Variants in SGCZ observed in about 807,000 individuals in gnomAD.
SGCZ encodes sarcoglycan zeta.
Under a neutral mutation model 41.3 loss-of-function variants are expected in SGCZ, and 40 were observed. The ratio of observed to expected loss-of-function variants is 0.97; its 90% CI spans 0.75 to 1.26. The LOEUF is 1.26. Among genes scored for constraint, SGCZ ranks in the 50% most tolerant of loss-of-function variants. The pLI, the probability that SGCZ is intolerant of heterozygous loss-of-function variation, is 0.00. For missense variants in SGCZ, 552 were observed against 369.8 expected, an observed-to-expected ratio of 1.49 and a Z score of -4.04; for synonymous variants, 206 against 137.5, an observed-to-expected ratio of 1.50 and a Z score of -3.49.
intron 3 of SGCZ, among the ~76,000 whole-genome samples, chr8:14,275,181 C>G (rs1211678309): frequency 1.3e-5 from 2 of 152,032 alleles, no homozygotes; most frequent in African/African-American, 2.4e-5. Flanking sequence ...GTTAAGTAAC[C>G]AACATCAAAC....
chr8:15,097,786 A>G (rs889274678), intron 1 of SGCZ, among the ~76,000 whole-genome samples: 3 of 138,868 alleles, frequency 2.2e-5, no homozygotes, highest in Admixed American at 7.1e-5. Flanking sequence ...ATATACGTGT[A>G]TATATATATA....
chr8:14,416,908 G>C (rs959441561), intron 2 of SGCZ, among the ~76,000 whole-genome samples: 1 of 151,754 alleles, frequency 6.6e-6, no homozygotes, highest in African/African-American at 2.4e-5. Flanking sequence ...TTATTATTAT[G>C]AGGAAAAAAA....
chr8:14,452,960 G>T (rs928080222), intron 2 of SGCZ, among the ~76,000 whole-genome samples: 3 of 151,900 alleles, frequency 2.0e-5, no homozygotes, highest in Non-Finnish European at 4.4e-5. Context: ...AAAATTAGCT[G>T]GGTGTGATAG....
intron 1 of SGCZ, among the ~76,000 whole-genome samples, chr8:14,587,917 G>T (rs1404712809): frequency 6.6e-6 from 1 of 152,032 alleles, no homozygotes; most frequent in African/African-American, 2.4e-5. Flanking sequence ...ACTCAAAATT[G>T]CATCCACTGT....
At chr8:14,666,005 C>T (rs1807898616) in intron 1 of SGCZ, among the ~76,000 whole-genome samples, 1 of 152,216 alleles carries the variant, frequency 6.6e-6, no homozygotes, top group South Asian at 2.1e-4. Context: ...AGCATGTAAG[C>T]CTTGCAGCAT....
chr8:14,691,414 G>C (rs1808793763), intron 1 of SGCZ, among the ~76,000 whole-genome samples: 1 of 152,024 alleles, frequency 6.6e-6, no homozygotes, highest in South Asian at 2.1e-4. Flanking sequence ...CTGTAAATGA[G>C]GGAAAGAAAG....
At chr8:14,920,727 A>T (rs1446132509) in intron 1 of SGCZ, among the ~76,000 whole-genome samples, 1 of 152,244 alleles carries the variant, frequency 6.6e-6, no homozygotes, top group African/African-American at 2.4e-5. Context: ...AACAGGAATT[A>T]CTTTTAATAT....
chr8:15,120,629 A>T (rs1209513937), intron 1 of SGCZ, among the ~76,000 whole-genome samples: 1 of 152,210 alleles, frequency 6.6e-6, no homozygotes, highest in Non-Finnish European at 1.5e-5. Context: ...GATGTAATAG[A>T]TATGGACTTT....
At chr8:14,422,439 T>A (rs1295051173) in intron 2 of SGCZ, among the ~76,000 whole-genome samples, 23 of 152,174 alleles carry the variant, frequency 1.5e-4, no homozygotes, top group East Asian at 1.9e-4. Flanking sequence ...TTGGAGACAA[T>A]TTTAGACTAC....
At chr8:14,649,671 A>T (rs749890375) in intron 1 of SGCZ, among the ~76,000 whole-genome samples, 8 of 152,082 alleles carry the variant, frequency 5.3e-5, no homozygotes, top group Non-Finnish European at 1.2e-4. Context: ...ACACAAGCCT[A>T]ATTGCTAAAC....
intron 1 of SGCZ, among the ~76,000 whole-genome samples, chr8:14,685,939 A>C (rs1292786120): frequency 6.6e-6 from 1 of 152,158 alleles, no homozygotes; most frequent in Non-Finnish European, 1.5e-5. Context: ...ACTTGGGTTT[A>C]GCTGTTACAC....
chr8:14,214,014 C>T (rs943614350), intron 4 of SGCZ, among the ~76,000 whole-genome samples: 8 of 152,096 alleles, frequency 5.3e-5, no homozygotes, highest in African/African-American at 1.7e-4. Flanking sequence ...TCAAGTAGTA[C>T]AGTATTTAAA....
chr8:14,470,015 G>A (rs1410264734), intron 2 of SGCZ, among the ~76,000 whole-genome samples: 1 of 152,130 alleles, frequency 6.6e-6, no homozygotes, highest in Non-Finnish European at 1.5e-5. Flanking sequence ...ACCCCAGCTT[G>A]AAGCTGGGTT....
chr8:15,209,517 TG>T (rs1801173812), intron 1 of SGCZ, among the ~76,000 whole-genome samples: 2 of 133,878 alleles, frequency 1.5e-5, no homozygotes, highest in African/African-American at 5.4e-5. Context: ...GCTTTCAGCT[TG>T]TGTTAAATAC....
intron 1 of SGCZ, among the ~76,000 whole-genome samples, chr8:14,881,644 A>G (rs1395510204): frequency 6.6e-6 from 1 of 152,076 alleles, no homozygotes; most frequent in Non-Finnish European, 1.5e-5. Context: ...AGACTTTAAC[A>G]CCCCACTGAC....
chr8:14,555,816 T>A (rs1247930843), intron 1 of SGCZ, among the ~76,000 whole-genome samples: 2 of 152,090 alleles, frequency 1.3e-5, no homozygotes, highest in Non-Finnish European at 2.9e-5. Context: ...GAAAGAAAAT[T>A]CACATTTGTG....
At chr8:14,872,574 A>T (rs1585337080) in intron 1 of SGCZ, among the ~76,000 whole-genome samples, 1 of 152,232 alleles carries the variant, frequency 6.6e-6, no homozygotes, top group East Asian at 1.9e-4. Flanking sequence ...CTTTATGAGC[A>T]GAATGCAATT....
chr8:14,613,340 T>A (rs944839828), intron 1 of SGCZ, among the ~76,000 whole-genome samples: 1 of 152,222 alleles, frequency 6.6e-6, no homozygotes. Flanking sequence ...AGTAAGTTTA[T>A]GAACGTACGA....
chr8:14,405,263 T>C (rs1799181856), intron 2 of SGCZ, among the ~76,000 whole-genome samples: 1 of 152,178 alleles, frequency 6.6e-6, no homozygotes, highest in Non-Finnish European at 1.5e-5. Context: ...AAATAAAATG[T>C]AGTTTAATGG....
Sources: gnomAD v4.1 joint callset for allele counts (sites outside exome capture counted in the v4.1 genomes callset) on GRCh38, gnomAD v4.1.1 for gene constraint, MANE v1.5 for transcripts, NCBI Gene and HGNC (gene_info 2026-07-23, HGNC 2026-07-21) for gene names.